PCDHGA2: variants seen among roughly 807,000 people sequenced by gnomAD.
PCDHGA2 encodes the protein protocadherin gamma-A2.
Under a neutral mutation model 59.2 loss-of-function variants are expected in PCDHGA2, and 40 were observed. The observed-to-expected ratio is 0.68, with a 90% CI of 0.52 to 0.88. The LOEUF is 0.88. Ranked by LOEUF, PCDHGA2 falls within the 40% of genes least tolerant of loss-of-function variation. The probability of loss-of-function intolerance (pLI) is 0.00; values close to 1 mark genes in which losing one functional copy is unlikely to be tolerated. For synonymous variants in PCDHGA2, 560 were observed against 526.0 expected, an observed-to-expected ratio of 1.06 and a Z score of -0.89; for missense variants, 1,226 against 1,204.0, an observed-to-expected ratio of 1.02 and a Z score of -0.27.
intron 1 of PCDHGA2, chr5:141,376,579 T>C: frequency 6.3e-7 from 1 of 1,590,894 alleles, no homozygotes; most frequent in Non-Finnish European, 8.6e-7. Context: ...GACAGGCTCA[T>C]CAGCTAGATC....
chr5:141,343,668 A>G (rs1410986735), intron 1 of PCDHGA2, among the ~76,000 whole-genome samples: 18 of 152,246 alleles, frequency 1.2e-4, no homozygotes, highest in Admixed American at 1.3e-4. Context: ...CGATTCAATT[A>G]TGTTCAATCA....
At chr5:141,410,526 C>T in intron 1 of PCDHGA2, 4 of 1,613,920 alleles carry the variant, frequency 2.5e-6, no homozygotes, top group Non-Finnish European at 3.4e-6. Context: ...CCCCTACATT[C>T]CAATGAAGAC....
At chr5:141,366,244 C>A in intron 1 of PCDHGA2, 1 of 1,613,770 alleles carries the variant, frequency 6.2e-7, no homozygotes, top group Non-Finnish European at 8.5e-7. Flanking sequence ...GAGACGCGCT[C>A]AAGCAGAGCC....
At chr5:141,349,492 A>T in intron 1 of PCDHGA2, among the ~76,000 whole-genome samples, 1 of 152,222 alleles carries the variant, frequency 6.6e-6, no homozygotes. Flanking sequence ...CTTTTAACAA[A>T]ATATCAGACT....
chr5:141,366,741 G>A lies in PCDHGA2; in HGVS notation c.2424+25346G>A, dbSNP rs772947820. 7.4e-6 allele frequency: 12 copies of A among 1,611,708 alleles called. No homozygotes were observed. The highest frequency in any genetic ancestry group is 1.3e-5 in the African/African-American group (1 of 74,862). On this transcript the variant is annotated intron_variant, in intron 1 of 3. Coordinates refer to ENST00000394576, the MANE Select transcript of PCDHGA2 (RefSeq NM_018915.4). ...AAGGTAGATGCAAACAAAGAAGAAC[G>A]GCGAGTTCAGGTTAGTTTTCTCTTT...
chr5:141,392,659 A>T, intron 1 of PCDHGA2: 2 of 788,300 alleles, frequency 2.5e-6, no homozygotes, highest in Non-Finnish European at 3.8e-6. Flanking sequence ...CGCAGATGCC[A>T]CAAACTAACT....
At chr5:141,371,755 A>T (rs752277488) in intron 1 of PCDHGA2, 3 of 1,614,030 alleles carry the variant, frequency 1.9e-6, no homozygotes, top group South Asian at 1.1e-5. Flanking sequence ...GTTTTCCACC[A>T]GGCCTCCTAC....
Position 141,489,352 on chromosome 5 carries a change from G to A in PCDHGA2, c.2425-5455G>A, listed in dbSNP as rs1336068787. 1.9e-6 allele frequency: 3 copies of A among 1,612,152 alleles called. No homozygotes were observed. In the Admixed American group the frequency reaches 5.0e-5, roughly 27 times the overall value. On this transcript the variant is annotated intron_variant, in intron 1 of 3. Transcript: ENST00000394576. The surrounding 1 kb of genome is among the most constrained non-coding windows in gnomAD (Gnocchi z 4.5). ...GCAGCTTCGTTACTCAGTGGTGGAG[G>A]AGTCTGAGCCGGGGACGCTGGTGGG...
intron 1 of PCDHGA2, chr5:141,359,900 G>T: frequency 2.5e-6 from 1 of 399,574 alleles, no homozygotes; most frequent in Non-Finnish European, 4.4e-6. Context: ...ATATTGACAA[G>T]CCATTAGTGC....
chr5:141,494,962 T>G (rs1644946600), intron 2 of PCDHGA2, 97 bp downstream of exon 2: 4 of 1,596,756 alleles, frequency 2.5e-6, no homozygotes, highest in Non-Finnish European at 3.4e-6. Context: ...TTGCTACAGA[T>G]GGCTTCTCCC....
intron 1 of PCDHGA2, chr5:141,371,512 A>ATCTCTAGATC: frequency 6.2e-7 from 1 of 1,613,868 alleles, no homozygotes; most frequent in Non-Finnish European, 8.5e-7. Flanking sequence ...AAAACACATG[A>ATCTCTAGATC]TCTAGATTCT....
intron 1 of PCDHGA2, chr5:141,346,353 A>G (rs765918159): frequency 6.2e-7 from 1 of 1,614,214 alleles, no homozygotes; most frequent in South Asian, 1.1e-5. Context: ...CCCCCAGCCC[A>G]ACTATGCGGA....
chr5:141,392,812 C>T (rs2092600989), intron 1 of PCDHGA2: 2 of 1,583,404 alleles, frequency 1.3e-6, no homozygotes, highest in East Asian at 4.5e-5. Flanking sequence ...AGCAAAACAA[C>T]AATGGCCGCT....
Position 141,364,556 on chromosome 5 carries a change from G to A in PCDHGA2, c.2424+23161G>A, listed in dbSNP as rs917886359. On this transcript the variant is annotated intron_variant, in intron 1 of 3. Coordinates refer to ENST00000394576, the MANE Select transcript of PCDHGA2 (RefSeq NM_018915.4). The stretch of plus-strand genomic sequence containing the variant: ...CTCCAGAGGTAGGACGCAGCTTTTT[G>A]CCCTGAACCCGCGAAGCGGCAGCTT... 5 of 1,614,048 alleles carry A rather than the reference G, an allele frequency of 3.1e-6. No homozygotes were observed. In the Admixed American group the frequency reaches 8.3e-5, roughly 27 times the overall value.
At chr5:141,461,689 A>G (rs2099020485) in intron 1 of PCDHGA2, among the ~76,000 whole-genome samples, 1 of 152,120 alleles carries the variant, frequency 6.6e-6, no homozygotes, top group Admixed American at 6.6e-5. Context: ...GTTTATTTTG[A>G]GACAGAGTTT....
chr5:141,436,859 A>G (rs550974791), intron 1 of PCDHGA2, among the ~76,000 whole-genome samples: 7 of 152,250 alleles, frequency 4.6e-5, no homozygotes, highest in Non-Finnish European at 1.0e-4. Flanking sequence ...TTGAGAAGCC[A>G]CAGTTTTAGG....
chr5:141,352,167 A>G (rs1003430908), intron 1 of PCDHGA2: 2 of 1,613,210 alleles, frequency 1.2e-6, no homozygotes, highest in Non-Finnish European at 1.7e-6. Flanking sequence ...GCGGCCCGCC[A>G]GCGCCTGCTG....
chr5:141,410,358 T>C, intron 1 of PCDHGA2: 2 of 1,614,070 alleles, frequency 1.2e-6, no homozygotes, highest in Non-Finnish European at 8.5e-7. Flanking sequence ...CGACGCTCTC[T>C]CAGCCCTGCT....
At chr5:141,423,327 A>G in intron 1 of PCDHGA2, 1 of 1,614,100 alleles carries the variant, frequency 6.2e-7, no homozygotes, top group Non-Finnish European at 8.5e-7. Flanking sequence ...CGGTGGCCGC[A>G]GTCTCCTGCA....
Sources: allele counts gnomAD v4.1 joint callset (sites outside exome capture counted in the v4.1 genomes callset), GRCh38; gene constraint gnomAD v4.1.1; non-coding constraint Gnocchi (gnomAD v3.1); transcripts MANE v1.5; gene names NCBI Gene and HGNC (gene_info 2026-07-23, HGNC 2026-07-21).